The following SRR variants were observed in gnomAD, a reference collection of about 807,000 sequenced individuals.
SRR encodes the protein D-serine ammonia-lyase.
SRR carries 19 observed loss-of-function variants against 32.7 expected under a neutral mutation model. The observed-to-expected ratio is 0.58, with a 90% CI of 0.40 to 0.85. SRR has a LOEUF of 0.85. SRR is among the 40% of genes least tolerant of loss of function. The pLI is 0.00. For missense variants in SRR, 373 were observed against 404.7 expected (o/e 0.92, Z 0.67); for synonymous variants, 142 against 140.9 (o/e 1.01, Z -0.06).
At chr17:2,318,464 CTTTTTTT>C (rs1170914950) in intron 3 of SRR, among the ~76,000 whole-genome samples, 1 of 126,578 alleles carries the variant, frequency 7.9e-6, no homozygotes, top group Non-Finnish European at 1.7e-5. Flanking sequence ...ATGTTTCTTT[CTTTTTTT>C]TTTTTTTTTT....
In SRR at chr17:2,324,671, C is replaced by T; in HGVS notation, c.*798C>T. ...ACCACAAAGGCAATCAGATCCCATC[C>T]TCCTCCTTCATACCCACCTCTGTTG... On this transcript the variant is annotated 3_prime_UTR_variant, in exon 8 of 8. Transcript: ENST00000344595. The T allele has an allele frequency of 1.2e-6, 2 of 1,614,024 alleles. No individual in the cohort carries two copies. Among genetic ancestry groups the T allele is most frequent in the Non-Finnish European group, 8.5e-7 (1 of 1,179,996 alleles).
At position 2,324,445 on chromosome 17, in the gene SRR, C is replaced by T. The variant is rs1201328819; in HGVS notation, c.*572C>T. On this transcript the variant is annotated 3_prime_UTR_variant, in exon 8 of 8. Transcript: ENST00000344595. ...TTTAAAGCAATGACTTCCAACCCAA[C>T]AGTCATTTAGCAACACTGCAGAAAT... 5 of 1,612,002 alleles carry T rather than the reference C, an allele frequency of 3.1e-6. No individual in the cohort carries two copies. The highest frequency in any genetic ancestry group is 4.2e-6 in the Non-Finnish European group (5 of 1,178,990).
At chr17:2,315,990 G>C (rs182160147) in intron 2 of SRR, among the ~76,000 whole-genome samples, 6 of 152,004 alleles carry the variant, frequency 3.9e-5, no homozygotes, top group Admixed American at 3.3e-4. Flanking sequence ...ATATATGTAT[G>C]TGCATATATA....
At chr17:2,307,559 T>C (rs2075400629) in intron 1 of SRR, 12 of 1,118,026 alleles carry the variant, frequency 1.1e-5, no homozygotes, top group Non-Finnish European at 1.3e-6. Flanking sequence ...ATTACAACAA[T>C]TAGTCTTCAA....
At chr17:2,312,277 T>G (rs1022047223) in intron 1 of SRR, among the ~76,000 whole-genome samples, 1 of 149,792 alleles carries the variant, frequency 6.7e-6, no homozygotes, top group Non-Finnish European at 1.5e-5. Flanking sequence ...AAATGTTCAA[T>G]CACTAGTAAT....
At chr17:2,314,150 TATTGAG>T (rs2075453334) in intron 1 of SRR, among the ~76,000 whole-genome samples, 1 of 152,152 alleles carries the variant, frequency 6.6e-6, no homozygotes, top group Admixed American at 6.6e-5. Flanking sequence ...ACATAATGTA[TATTGAG>T]AATGCAGAAG....
upstream of SRR, chr17:2,303,720 T>C (rs982780739): frequency 6.7e-7 from 1 of 1,491,672 alleles, no homozygotes; most frequent in Non-Finnish European, 8.9e-7. Context: ...CCTTCCGCCA[T>C]CTTCGCGGCT....
intron 2 of SRR, among the ~76,000 whole-genome samples, chr17:2,317,494 A>G (rs1479229361): frequency 6.7e-6 from 1 of 149,990 alleles, no homozygotes; most frequent in Non-Finnish European, 1.5e-5. Flanking sequence ...CCCGGGCTAC[A>G]ACAGAGCGAG....
At chr17:2,307,625 T>C (rs2075401200) in intron 1 of SRR, 2 of 945,500 alleles carry the variant, frequency 2.1e-6, no homozygotes, top group South Asian at 1.3e-5. Context: ...GCCCCTATGG[T>C]GGTGCAGGCC....
rs1002241259 is a variant in SRR at position 2,324,101 on chromosome 17, C to A, written c.*228C>A. ...CAAAATGGGGCAGTGGACTGACAGGCTGACATAGAAAATAAACTTTGCCCA... is the reference window on the plus strand; with the variant it reads ...CAAAATGGGGCAGTGGACTGACAGGATGACATAGAAAATAAACTTTGCCCA... On this transcript the variant is annotated 3_prime_UTR_variant, in exon 8 of 8. Transcript: ENST00000344595. The A allele has an allele frequency of 3.4e-6, 5 of 1,455,460 alleles. No homozygotes were observed. In the African/African-American group the frequency reaches 7.1e-5, roughly 21 times the overall value. The allele number at this position is 1,455,460 out of a possible 1,614,324, so 90.2% of individuals were successfully genotyped here.
chr17:2,308,476 T>C (rs2075409767), intron 1 of SRR, among the ~76,000 whole-genome samples: 1 of 152,252 alleles, frequency 6.6e-6, no homozygotes, highest in Non-Finnish European at 1.5e-5. Flanking sequence ...AATCTGATTT[T>C]CCTGTCAAAT....
intron 6 of SRR, 100 bp downstream of exon 6, chr17:2,321,716 T>C: frequency 2.9e-6 from 3 of 1,032,754 alleles, no homozygotes; most frequent in Admixed American, 2.0e-5. Context: ...CACATTACCA[T>C]TCCTTCCCCT....
At chr17:2,320,418 G>A (rs1452798985) in intron 4 of SRR, among the ~76,000 whole-genome samples, 1 of 151,256 alleles carries the variant, frequency 6.6e-6, no homozygotes, top group Non-Finnish European at 1.5e-5. Flanking sequence ...ACCATGCCCA[G>A]CTAATTTTTG....
Position 2,321,302 on chromosome 17 carries a change from T to C in SRR, c.400-4T>C, listed in dbSNP as rs750427764. 27 of 1,613,394 alleles carry C rather than the reference T, an allele frequency of 1.7e-5. No individual in the cohort carries two copies. The East Asian group carries it at 2.0e-4, about 12-fold the overall frequency. On this transcript the variant is annotated splice_polypyrimidine_tract_variant and splice_region_variant and intron_variant, in intron 4 of 7. Coordinates refer to ENST00000344595, the MANE Select transcript of SRR (RefSeq NM_021947.3). ...TCAATTAAGCTAAATTAATGTACTT[T>C]CAGTCCAGAGAAAATGTTGCAAAAA...
Position 2,316,912 on chromosome 17 carries a change from A to G in SRR, c.169-958A>G, listed in dbSNP as rs1325419268. 2.1e-5 allele frequency among the ~76,000 whole-genome samples: 3 copies of G among 141,262 alleles called. No individual in the cohort carries two copies. In the East Asian group the frequency reaches 6.3e-4, roughly 30 times the overall value. The allele number at this position is 141,262 out of a possible 152,430, so 92.7% of individuals were successfully genotyped here. A position where few individuals can be genotyped will look rare whatever the true frequency, so the allele number is the denominator to read the frequency against. Reference sequence around the variant, plus strand: ...TTTTTTTTTTTTGAATTTTTAGTAGAGACAGGGTTTCACCGTGTTAGCCAG... The same window carrying G: ...TTTTTTTTTTTTGAATTTTTAGTAGGGACAGGGTTTCACCGTGTTAGCCAG... On this transcript the variant is annotated intron_variant, in intron 2 of 7. Transcript: ENST00000344595.
At chr17:2,308,222 GCTTT>G (rs750071619) in intron 1 of SRR, among the ~76,000 whole-genome samples, 2 of 152,112 alleles carry the variant, frequency 1.3e-5, no homozygotes, top group Middle Eastern at 3.4e-3. Flanking sequence ...AACCTTATAT[GCTTT>G]CTTTTTAAAG....
intron 1 of SRR, among the ~76,000 whole-genome samples, chr17:2,304,324 T>C: frequency 6.6e-6 from 1 of 151,658 alleles, no homozygotes; most frequent in Non-Finnish European, 1.5e-5. Flanking sequence ...CGGTCTCGGC[T>C]CACTGCAACC....
chr17:2,319,676 T>G (rs1234964212), intron 4 of SRR, among the ~76,000 whole-genome samples: 1 of 152,174 alleles, frequency 6.6e-6, no homozygotes, highest in East Asian at 1.9e-4. Flanking sequence ...TGTCTACCGT[T>G]AGCACTCTGA....
At position 2,304,742 on chromosome 17, in the gene SRR, CAG is replaced by C. The variant is rs2075370659; in HGVS notation, c.-5+728_-5+729del. On this transcript the variant is annotated intron_variant, in intron 1 of 7. Coordinates refer to ENST00000344595, the MANE Select transcript of SRR (RefSeq NM_021947.3). ...TGCACTCCAGCCCGGGAGTCTCCAACAGAGCGAGACTCCGCCTCAAAAAAAAA... is the reference window on the plus strand; with the variant it reads ...TGCACTCCAGCCCGGGAGTCTCCAACAGCGAGACTCCGCCTCAAAAAAAAA... Among the ~76,000 whole-genome samples the C allele has an allele frequency of 4.7e-5, 7 of 150,378 alleles. No homozygotes were observed. The South Asian group carries it at 1.5e-3, about 32-fold the overall frequency.
Sources: gnomAD v4.1 joint callset for allele counts (sites outside exome capture counted in the v4.1 genomes callset) on GRCh38, gnomAD v4.1.1 for gene constraint, MANE v1.5 for transcripts, NCBI Gene and HGNC (gene_info 2026-07-23, HGNC 2026-07-21) for gene names.